Variants in ZNF609 observed in about 807,000 individuals in gnomAD.
ZNF609 encodes zinc finger protein 609.
A neutral mutation model predicts 109.5 loss-of-function variants in ZNF609; 11 were observed. That is an observed-to-expected ratio of 0.10 (90% CI 0.06 to 0.17). The LOEUF (loss-of-function observed/expected upper bound fraction) is 0.17. ZNF609 is among the 10% of genes least tolerant of loss of function. The pLI is 1.00. For missense variants in ZNF609, 1,559 were observed against 1,772.4 expected (o/e 0.88, Z 2.16); for synonymous variants, 646 against 662.0 (o/e 0.98, Z 0.37).
At chr15:64,462,755 A>G (rs1014826189) in intron 1 of ZNF609, among the ~76,000 whole-genome samples, 12 of 152,234 alleles carry the variant, frequency 7.9e-5, no homozygotes, top group Admixed American at 2.0e-4. Flanking sequence ...TTTAACTCTA[A>G]TGAAAGGACA....
chr15:64,553,708 C>G (rs941509727), intron 2 of ZNF609, among the ~76,000 whole-genome samples: 3 of 151,990 alleles, frequency 2.0e-5, no homozygotes, highest in Non-Finnish European at 2.9e-5. Flanking sequence ...ACGCCATTCT[C>G]CTGCCTCAGC....
chr15:64,648,488 C>T (rs1159727137), intron 3 of ZNF609, among the ~76,000 whole-genome samples: 1 of 152,036 alleles, frequency 6.6e-6, no homozygotes, highest in African/African-American at 2.4e-5. Flanking sequence ...TGAGACTTAA[C>T]CTCAAACAAA....
At chr15:64,563,821 A>G (rs966451095) in intron 2 of ZNF609, among the ~76,000 whole-genome samples, 1 of 152,028 alleles carries the variant, frequency 6.6e-6, no homozygotes, top group African/African-American at 2.4e-5. Context: ...ACCCATATAT[A>G]TATAATATAT....
At chr15:64,550,860 AC>A (rs1044078813) in intron 2 of ZNF609, among the ~76,000 whole-genome samples, 94 of 151,618 alleles carry the variant, frequency 6.2e-4, no homozygotes, top group Non-Finnish European at 1.2e-3. Context: ...AAAAAAAGAA[AC>A]ATGATTTGCA....
At chr15:64,680,576 TG>T in intron 7 of ZNF609, 69 bp from the exon 8 acceptor site, 1 of 1,341,280 alleles carries the variant, frequency 7.5e-7, no homozygotes, top group Non-Finnish European at 1.0e-6. Flanking sequence ...TGTGTGTGTG[TG>T]TGTGTGTGTG....
At chr15:64,638,685 C>T (rs373783951) in intron 3 of ZNF609, among the ~76,000 whole-genome samples, 32 of 151,924 alleles carry the variant, frequency 2.1e-4, no homozygotes, top group African/African-American at 7.2e-4. Context: ...TTCTTGAGCC[C>T]GGGAATTCAA....
intron 2 of ZNF609, among the ~76,000 whole-genome samples, chr15:64,517,049 C>G (rs549245095): frequency 5.3e-5 from 8 of 152,266 alleles, no homozygotes; most frequent in Non-Finnish European, 1.2e-4. Context: ...TTTTAAGCTT[C>G]TTGCTTTAAA....
intron 2 of ZNF609, among the ~76,000 whole-genome samples, chr15:64,514,650 T>A (rs1351784366): frequency 6.6e-6 from 1 of 152,100 alleles, no homozygotes; most frequent in Non-Finnish European, 1.5e-5. Context: ...GCTTTTTTTT[T>A]TTTTTGAGAC....
intron 2 of ZNF609, among the ~76,000 whole-genome samples, chr15:64,602,450 T>G (rs560799996): frequency 7.6e-4 from 116 of 152,294 alleles, no homozygotes; most frequent in Non-Finnish European, 1.6e-3. Context: ...AAGGAATAAG[T>G]GAAATGCACA....
chr15:64,556,167 T>TTA (rs995254033), intron 2 of ZNF609, among the ~76,000 whole-genome samples: 1 of 151,740 alleles, frequency 6.6e-6, no homozygotes, highest in Non-Finnish European at 1.5e-5. Flanking sequence ...TTTTTTTTTT[T>TTA]TTATTATTTG....
chr15:64,550,296 C>T (rs1458782202), intron 2 of ZNF609, among the ~76,000 whole-genome samples: 1 of 151,050 alleles, frequency 6.6e-6, no homozygotes, highest in African/African-American at 2.4e-5. Context: ...GTGTTTTGCC[C>T]AGGTTTGAAT....
intron 1 of ZNF609, among the ~76,000 whole-genome samples, chr15:64,488,440 C>G (rs1385435194): frequency 6.6e-6 from 1 of 152,182 alleles, no homozygotes; most frequent in Non-Finnish European, 1.5e-5. Context: ...GAGACAGCCT[C>G]TGCCCTCAGG....
intron 2 of ZNF609, chr15:64,529,142 T>C: frequency 1.3e-6 from 1 of 747,956 alleles, no homozygotes; most frequent in Non-Finnish European, 2.4e-6. Context: ...GTGTGAACTG[T>C]GGTCATGAAT....
intron 1 of ZNF609, among the ~76,000 whole-genome samples, chr15:64,483,648 A>G (rs1290462861): frequency 1.3e-5 from 2 of 152,208 alleles, no homozygotes; most frequent in African/African-American, 4.8e-5. Flanking sequence ...GGCCTCCCAA[A>G]GTGCTGAGAT....
At chr15:64,622,081 T>C (rs1895885065) in intron 2 of ZNF609, among the ~76,000 whole-genome samples, 1 of 152,186 alleles carries the variant, frequency 6.6e-6, no homozygotes, top group Non-Finnish European at 1.5e-5. Flanking sequence ...CAGACTGCTG[T>C]TGATTGGCTT....
intron 2 of ZNF609, chr15:64,529,731 G>A: frequency 1.6e-6 from 1 of 619,820 alleles, no homozygotes; most frequent in Non-Finnish European, 3.0e-6. Context: ...TCGAACAGGA[G>A]GAGCAGAGAC....
Position 64,675,977 on chromosome 15 carries a change from G to A in ZNF609, c.3123G>A (p.Lys1041=). The A allele has an allele frequency of 6.2e-7, 1 of 1,614,194 alleles. No individual in the cohort carries two copies. Among genetic ancestry groups the A allele is most frequent in the Non-Finnish European group, 8.5e-7 (1 of 1,180,024 alleles). ...AGGCAGCACTCAAGGAAGAGTGGAAGCAAAAGCCGTCAATTCCACCAACTC... is the reference window on the plus strand; with the variant it reads ...AGGCAGCACTCAAGGAAGAGTGGAAACAAAAGCCGTCAATTCCACCAACTC... ...EREAALKEEW[K]QKPSIPPTLT... The change falls in exon 5 of 10, where the codon AAG becomes AAA. Residue 1041 remains lysine (K), a synonymous_variant. Coordinates refer to ENST00000326648, the MANE Select transcript of ZNF609 (RefSeq NM_015042.2).
intron 3 of ZNF609, among the ~76,000 whole-genome samples, chr15:64,662,184 C>T (rs191139571): frequency 1.2e-4 from 19 of 152,220 alleles, no homozygotes; most frequent in Admixed American, 1.1e-3. Context: ...AGTGTTCTCA[C>T]AAAATGGCTG....
chr15:64,600,875 T>C (rs1895487143), intron 2 of ZNF609, among the ~76,000 whole-genome samples: 1 of 151,974 alleles, frequency 6.6e-6, no homozygotes, highest in South Asian at 2.1e-4. Context: ...CTCTAGGGAG[T>C]TGTTGTAGAG....
Sources: gnomAD v4.1 joint callset for allele counts (sites outside exome capture counted in the v4.1 genomes callset) on GRCh38, gnomAD v4.1.1 for gene constraint, MANE v1.5 for transcripts, NCBI Gene and HGNC (gene_info 2026-07-23, HGNC 2026-07-21) for gene names.